PLCE1: variants seen among roughly 807,000 people sequenced by gnomAD.
PLCE1 encodes the protein 1-phosphatidylinositol 4,5-bisphosphate phosphodiesterase epsilon-1.
In PLCE1, 119 loss-of-function variants were observed where a neutral mutation model predicts 242.8. The ratio of observed to expected loss-of-function variants is 0.49; its 90% CI spans 0.42 to 0.57. The LOEUF is 0.57. Among genes scored for constraint, PLCE1 ranks in the 20% least tolerant of loss-of-function variants. PLCE1 has a pLI of 0.00. For synonymous variants in PLCE1, 945 were observed against 1,017.4 expected, an observed-to-expected ratio of 0.93 and a Z score of 1.35; for missense variants, 2,441 against 2,788.8, an observed-to-expected ratio of 0.88 and a Z score of 2.81.
At chr10:94,106,016 G>A (rs2045719649) in intron 2 of PLCE1, 1 of 152,190 alleles carries the variant, frequency 6.6e-6, no homozygotes, top group South Asian at 2.1e-4. Flanking sequence ...CACAAGTTAA[G>A]TTACCTCTCT....
intron 2 of PLCE1, among the ~76,000 whole-genome samples, chr10:94,110,524 G>A (rs2045922191): frequency 1.3e-5 from 2 of 152,190 alleles, no homozygotes; most frequent in African/African-American, 4.8e-5. Context: ...AAATCATGAG[G>A]AGGAATCTCA....
chr10:94,246,047 A>C lies in PLCE1; in HGVS notation c.2522A>C (p.His841Pro), dbSNP rs751960203. ...GAGGACTCACAGAAGGCCTTCGACC[A>C]TGGGACGGAGCTCATCCCTTGGTAC... ...GSEDSQKAFD[H>P]GTELIPWYVL... Residue 841 changes from histidine (H) to proline (P), a missense_variant, in exon 8 of 33, where the codon CAT becomes CCT. His to Pro is a moderately conservative substitution (Grantham distance 77). Transcript: ENST00000371380. 1.2e-5 allele frequency: 19 copies of C among 1,614,062 alleles called. No homozygotes were observed. The highest frequency in any genetic ancestry group is 1.5e-5 in the Non-Finnish European group (18 of 1,180,028).
intron 27 of PLCE1, among the ~76,000 whole-genome samples, chr10:94,309,310 G>A (rs1454520910): frequency 6.6e-6 from 1 of 151,350 alleles, no homozygotes; most frequent in Non-Finnish European, 1.5e-5. Context: ...CATAGTTGCA[G>A]AATCTGCTTT....
At chr10:94,276,514 A>T (rs1235604545) in intron 19 of PLCE1, among the ~76,000 whole-genome samples, 3 of 152,226 alleles carry the variant, frequency 2.0e-5, no homozygotes, top group African/African-American at 7.2e-5. Context: ...ATCTGTTTAT[A>T]TAAAAATAAT....
intron 1 of PLCE1, among the ~76,000 whole-genome samples, chr10:94,016,621 A>G (rs1397925451): frequency 2.6e-5 from 4 of 152,176 alleles, no homozygotes; most frequent in South Asian, 2.1e-4. Context: ...AAGCAGGATA[A>G]AAACAATATA....
intron 4 of PLCE1, among the ~76,000 whole-genome samples, chr10:94,221,891 T>G (rs1168049246): frequency 6.6e-6 from 1 of 152,330 alleles, no homozygotes; most frequent in Non-Finnish European, 1.5e-5. Context: ...TGCTTGGCAT[T>G]TTCAAGAAAC....
At position 94,179,530 on chromosome 10, in the gene PLCE1, T is replaced by TTTTTGA. The variant is rs10636243; in HGVS notation, c.1809+8034_1809+8035insTTTTGA. ...TAGTTTAGTTTTTTTTTTTTTTTTT[T>TTTTTGA]GACAGGGTCTCTGTTGCCCAGGCTG... On this transcript the variant is annotated intron_variant, in intron 4 of 32. Coordinates refer to ENST00000371380, the MANE Select transcript of PLCE1 (RefSeq NM_016341.4). 7.3e-4 allele frequency among the ~76,000 whole-genome samples: 87 copies of TTTTTGA among 118,812 alleles called. 12 individuals carry two copies. Among genetic ancestry groups the TTTTTGA allele is most frequent in the African/African-American group, 9.4e-4 (29 of 31,016 alleles). 77.9% of individuals were successfully genotyped at this position (118,812 alleles called of 152,430 possible).
intron 4 of PLCE1, among the ~76,000 whole-genome samples, chr10:94,201,098 C>G (rs142058302): frequency 7.2e-4 from 109 of 152,230 alleles, no homozygotes; most frequent in African/African-American, 1.2e-3. Flanking sequence ...AGTCATGCAT[C>G]AATAATATTT....
intron 11 of PLCE1, among the ~76,000 whole-genome samples, chr10:94,255,914 A>ACACACACTCTCT (rs1284531207): frequency 8.9e-5 from 6 of 67,326 alleles, no homozygotes; most frequent in African/African-American, 3.7e-4. Flanking sequence ...ACACACACAC[A>ACACACACTCTCT]CTCTCTCTCT....
intron 4 of PLCE1, among the ~76,000 whole-genome samples, chr10:94,195,524 T>C (rs1460809120): frequency 6.6e-6 from 1 of 152,080 alleles, no homozygotes; most frequent in Non-Finnish European, 1.5e-5. Context: ...AGGAATGATA[T>C]GACACAACTC....
At chr10:94,223,346 G>T (rs1281025757) in intron 4 of PLCE1, among the ~76,000 whole-genome samples, 1 of 152,004 alleles carries the variant, frequency 6.6e-6, no homozygotes, top group Non-Finnish European at 1.5e-5. Flanking sequence ...CTCCCTAAAA[G>T]GAGGGATATA....
At chr10:94,063,753 C>T (rs1200319435) in intron 2 of PLCE1, among the ~76,000 whole-genome samples, 2 of 152,076 alleles carry the variant, frequency 1.3e-5, no homozygotes, top group Admixed American at 1.3e-4. Flanking sequence ...GAAAAAAGTG[C>T]AGGATTTTAT....
chr10:94,010,498 A>G (rs1272131172), intron 1 of PLCE1, among the ~76,000 whole-genome samples: 2 of 152,188 alleles, frequency 1.3e-5, no homozygotes, highest in Non-Finnish European at 2.9e-5. Context: ...TTACCCTGAA[A>G]ACAGGCTTTT....
chr10:94,160,308 A>G (rs1050268282), intron 3 of PLCE1, among the ~76,000 whole-genome samples: 68 of 152,260 alleles, frequency 4.5e-4, no homozygotes, highest in Admixed American at 3.9e-4. Flanking sequence ...AATGATTGCC[A>G]TTCTAACTGG....
intron 2 of PLCE1, among the ~76,000 whole-genome samples, chr10:94,052,052 C>T (rs760056225): frequency 1.3e-5 from 2 of 152,140 alleles, no homozygotes; most frequent in Non-Finnish European, 2.9e-5. Flanking sequence ...ATTTTGTAAT[C>T]CTTTTTATCC....
intron 2 of PLCE1, chr10:94,096,464 G>T (rs1400769551): frequency 1.3e-5 from 2 of 152,128 alleles, no homozygotes; most frequent in Admixed American, 1.3e-4. Context: ...TCGCAGCAAG[G>T]AGAAGTACCA....
At chr10:94,225,789 C>T (rs2049918404) in intron 4 of PLCE1, among the ~76,000 whole-genome samples, 1 of 152,208 alleles carries the variant, frequency 6.6e-6, no homozygotes, top group Non-Finnish European at 1.5e-5. Flanking sequence ...GGTTGCACTG[C>T]CCTCTGTGGT....
rs1052177701 is a variant in PLCE1 at position 94,255,791 on chromosome 10, T to C, written c.3554+742T>C. Among the ~76,000 whole-genome samples, 8 of 151,848 alleles carry C rather than the reference T, an allele frequency of 5.3e-5. No individual in the cohort carries two copies. In the East Asian group the frequency reaches 1.2e-3, roughly 22 times the overall value. ...CTTCCAAAGGGAACCAGAATGCTGC[T>C]CCATCCTCCTGTATCCCACATTAAA... On this transcript the variant is annotated intron_variant, in intron 11 of 32. Coordinates refer to ENST00000371380, the MANE Select transcript of PLCE1 (RefSeq NM_016341.4).
At position 94,031,144 on chromosome 10, in the gene PLCE1, T is replaced by A. The variant is rs1051971566; in HGVS notation, c.98T>A (p.Val33Asp). The change falls in exon 2 of 33, where the codon GTC (valine) becomes GAC (aspartate). Residue 33 changes from valine to aspartate, a missense_variant. Coordinates refer to ENST00000371380, the MANE Select transcript of PLCE1 (RefSeq NM_016341.4). ...GCTGCAGATGAAAGTAGTGAAAAGG[T>A]CTCAGACATCAATATTTCAAAAGCA... Reference protein sequence around the residue: ...QSAADESSEKVSDINISKAHT... With the variant: ...QSAADESSEKDSDINISKAHT... The A allele has an allele frequency of 1.2e-6, 2 of 1,613,650 alleles. No individual in the cohort carries two copies. The highest frequency in any genetic ancestry group is 2.7e-5 in the African/African-American group (2 of 74,868).
Sources: allele counts gnomAD v4.1 joint callset (sites outside exome capture counted in the v4.1 genomes callset), GRCh38; gene constraint gnomAD v4.1.1; transcripts MANE v1.5; gene names NCBI Gene and HGNC (gene_info 2026-07-23, HGNC 2026-07-21).